The following RAPGEF1 variants were observed in gnomAD, a reference collection of about 807,000 sequenced individuals.
RAPGEF1 encodes CRK SH3-binding GNRP.
Under a neutral mutation model 143.3 loss-of-function variants are expected in RAPGEF1, and 33 were observed. The ratio of observed to expected loss-of-function variants is 0.23; its 90% confidence interval spans 0.17 to 0.31. The LOEUF is 0.31. Among genes scored for constraint, RAPGEF1 ranks in the 10% least tolerant of loss-of-function variants. The pLI is 1.00. For synonymous variants in RAPGEF1, 629 were observed against 676.5 expected (o/e 0.93, Z 1.09); for missense variants, 1,199 against 1,645.4 (o/e 0.73, Z 4.69).
rs558560403 is a variant in RAPGEF1, at chr9:131,726,696, G to A, written c.61+13074C>T. On this transcript the variant is annotated intron_variant, in intron 1 of 26. Transcript: ENST00000683357. ...GAGAAGGGTATGACTGCAAAGGGGC[G>A]GCAAGAAGGCTTTTTCACTCAGGGT... is the stretch of plus-strand genomic sequence containing the variant. Among the ~76,000 whole-genome samples the A allele has an allele frequency of 3.3e-4, 49 of 148,084 alleles. No homozygotes were observed. In the South Asian group the frequency reaches 8.3e-3, roughly 25 times the overall value.
chr9:131,706,561 C>T (rs756471964), intron 1 of RAPGEF1, among the ~76,000 whole-genome samples: 28 of 152,296 alleles, frequency 1.8e-4, no homozygotes, highest in Non-Finnish European at 3.8e-4. Context: ...TGAGCCACTG[C>T]ATCCAGTGTG....
At chr9:131,593,408 C>T (rs1337623610) in intron 17 of RAPGEF1, among the ~76,000 whole-genome samples, 1 of 152,216 alleles carries the variant, frequency 6.6e-6, no homozygotes, top group Admixed American at 6.5e-5. Flanking sequence ...CCTGCAGCCA[C>T]CCCCCGTGCC....
At chr9:131,695,721 G>A (rs887506120) in intron 1 of RAPGEF1, among the ~76,000 whole-genome samples, 12 of 152,256 alleles carry the variant, frequency 7.9e-5, no homozygotes, top group Admixed American at 3.3e-4. Context: ...AATGGTAAAT[G>A]TTCTCTCTCT....
chr9:131,597,172 C>G (rs1955445183), intron 16 of RAPGEF1, among the ~76,000 whole-genome samples: 1 of 152,358 alleles, frequency 6.6e-6, no homozygotes, highest in African/African-American at 2.4e-5. Context: ...AACCAGCCCT[C>G]TCAGCTGCGG....
chr9:131,588,198 T>C (rs1248929731), intron 20 of RAPGEF1, among the ~76,000 whole-genome samples, 172 bp from the exon 21 acceptor site: 1 of 152,232 alleles, frequency 6.6e-6, no homozygotes, highest in African/African-American at 2.4e-5. Context: ...AATGGCCTCC[T>C]GCCTCTCTCC....
intron 11 of RAPGEF1, 118 bp from the exon 12 acceptor site, chr9:131,619,324 C>G (rs945368359): frequency 1.1e-6 from 1 of 912,238 alleles, no homozygotes; most frequent in Non-Finnish European, 1.5e-6. Flanking sequence ...AACAGACGTT[C>G]TGGAGAGGGA....
intron 5 of RAPGEF1, among the ~76,000 whole-genome samples, chr9:131,635,916 G>A (rs1405967627): frequency 6.6e-6 from 1 of 152,216 alleles, no homozygotes; most frequent in Non-Finnish European, 1.5e-5. Flanking sequence ...ATAAATGTTA[G>A]CTGTTATTAC....
chr9:131,623,742 G>T (rs1293052995), intron 10 of RAPGEF1, among the ~76,000 whole-genome samples: 1 of 152,218 alleles, frequency 6.6e-6, no homozygotes, highest in African/African-American at 2.4e-5. Context: ...CTGGCACAAG[G>T]GACTCATGGG....
chr9:131,619,320 C>G (rs1465397438), intron 11 of RAPGEF1, 114 bp from the exon 12 acceptor site: 1 of 953,822 alleles, frequency 1.0e-6, no homozygotes, highest in South Asian at 1.6e-5. Context: ...CTCTAACAGA[C>G]GTTCTGGAGA....
rs1157668982 is a variant in RAPGEF1 at position 131,675,555 on chromosome 9, G to A, written c.62-24606C>T. 6.6e-6 allele frequency among the ~76,000 whole-genome samples: 1 copy of A among 152,248 alleles called. No individual in the cohort carries two copies. Among genetic ancestry groups the A allele is most frequent in the Non-Finnish European group, 1.5e-5 (1 of 68,052 alleles). Reference sequence around the variant, plus strand: ...GAATTACCAATGTACTGGTGGTCCTGATGTCTAGATAAAAATGAATTCCCC... The same window carrying A: ...GAATTACCAATGTACTGGTGGTCCTAATGTCTAGATAAAAATGAATTCCCC... On this transcript the variant is annotated intron_variant, in intron 1 of 26. Coordinates refer to ENST00000683357, the MANE Select transcript of RAPGEF1 (RefSeq NM_001377935.1). This position sits in a 1 kb window ranked among gnomAD's most constrained non-coding sequence, Gnocchi z 4.6.
At chr9:131,738,174 G>C (rs1837542309) in intron 1 of RAPGEF1, among the ~76,000 whole-genome samples, 1 of 150,904 alleles carries the variant, frequency 6.6e-6, no homozygotes, top group Admixed American at 6.6e-5. Context: ...TTTTGACAAT[G>C]AACATAGAAT....
chr9:131,581,755 A>C (rs1341172925), intron 25 of RAPGEF1, among the ~76,000 whole-genome samples: 1 of 152,164 alleles, frequency 6.6e-6, no homozygotes, highest in African/African-American at 2.4e-5. Context: ...GGTGCTTCTG[A>C]CTGCAGAGGA....
At chr9:131,598,664 A>C (rs1370509687) in intron 15 of RAPGEF1, 1 of 428,096 alleles carries the variant, frequency 2.3e-6, no homozygotes, top group African/African-American at 2.0e-5. Flanking sequence ...GCAGAATGGG[A>C]GAGAAAGCTG....
At chr9:131,643,140 G>A (rs1483742456) in intron 4 of RAPGEF1, 99 bp downstream of exon 4, 4 of 1,365,864 alleles carry the variant, frequency 2.9e-6, no homozygotes, top group Non-Finnish European at 3.9e-6. Context: ...TCCTTTTCCT[G>A]ACTGTTCCTA....
intron 1 of RAPGEF1, among the ~76,000 whole-genome samples, chr9:131,658,209 A>G (rs1973048645): frequency 6.6e-6 from 1 of 152,226 alleles, no homozygotes; most frequent in South Asian, 2.1e-4. Context: ...CAATTCTCCC[A>G]AGTGGCTATG....
rs1286753257 is a variant in RAPGEF1 at position 131,588,042 on chromosome 9, G to A, written c.3054-16C>T. ...GGTCCCCGGCCTGGAAGACAGAGGTGTGAGAAGAGCCGTCAGGGGTGGGGA... is the reference window on the plus strand; with the variant it reads ...GGTCCCCGGCCTGGAAGACAGAGGTATGAGAAGAGCCGTCAGGGGTGGGGA... On this transcript the variant is annotated splice_polypyrimidine_tract_variant and intron_variant, in intron 20 of 26. Coordinates refer to ENST00000683357, the MANE Select transcript of RAPGEF1 (RefSeq NM_001377935.1). The A allele has an allele frequency of 7.5e-6, 12 of 1,606,542 alleles. No homozygotes were observed. Among genetic ancestry groups the A allele is most frequent in the Non-Finnish European group, 1.0e-5 (12 of 1,176,076 alleles).
chr9:131,592,672 C>G (rs750216085), intron 17 of RAPGEF1, among the ~76,000 whole-genome samples: 18 of 152,278 alleles, frequency 1.2e-4, no homozygotes, highest in South Asian at 4.2e-4. Flanking sequence ...ATCATGGGAA[C>G]AAAGAAAATC....
intron 1 of RAPGEF1, among the ~76,000 whole-genome samples, chr9:131,677,786 C>T (rs1832546005): frequency 6.6e-6 from 1 of 152,204 alleles, no homozygotes; most frequent in Non-Finnish European, 1.5e-5. Context: ...GCAAATGAAA[C>T]AGGCTCAGAA....
intron 1 of RAPGEF1, among the ~76,000 whole-genome samples, chr9:131,674,823 T>C (rs1355089571): frequency 6.6e-6 from 1 of 151,922 alleles, no homozygotes; most frequent in Non-Finnish European, 1.5e-5. Flanking sequence ...CAAGAAACCC[T>C]GTGGAGGCGC....
Sources: gnomAD v4.1 joint callset for allele counts (sites outside exome capture counted in the v4.1 genomes callset) on GRCh38, gnomAD v4.1.1 for gene constraint, Gnocchi (gnomAD v3.1) non-coding constraint, MANE v1.5 for transcripts, NCBI Gene and HGNC (gene_info 2026-07-23, HGNC 2026-07-21) for gene names.